Variants in CSMD1 observed in about 807,000 individuals in gnomAD.
CSMD1 encodes CUB and Sushi multiple domains 1.
A neutral mutation model predicts 417.5 loss-of-function variants in CSMD1; 213 were observed. The observed-to-expected ratio is 0.51, with a 90% CI of 0.46 to 0.57. CSMD1 has a LOEUF of 0.57. CSMD1 is among the 20% of genes least tolerant of loss of function. CSMD1 has a pLI of 0.00. For synonymous variants in CSMD1, 2,862 were observed against 1,736.8 expected (o/e 1.65, Z -16.11); for missense variants, 6,923 against 4,529.7 (o/e 1.53, Z -15.17).
chr8:4,910,574 T>C (rs1202556030), intron 1 of CSMD1, among the ~76,000 whole-genome samples: 1 of 152,170 alleles, frequency 6.6e-6, no homozygotes, highest in East Asian at 1.9e-4. Flanking sequence ...ATTCCATTCA[T>C]GAAAGCTCCC....
At chr8:3,488,171 T>C (rs192297937) in intron 11 of CSMD1, among the ~76,000 whole-genome samples, 9 of 152,022 alleles carry the variant, frequency 5.9e-5, no homozygotes, top group Non-Finnish European at 1.2e-4. Flanking sequence ...GGGGTCATCA[T>C]AGCTCACTGC....
At chr8:4,707,874 A>G (rs1584975089) in intron 1 of CSMD1, among the ~76,000 whole-genome samples, 1 of 137,586 alleles carries the variant, frequency 7.3e-6, no homozygotes. Flanking sequence ...GGACAAGAGC[A>G]AGACTTTGTT....
intron 7 of CSMD1, among the ~76,000 whole-genome samples, chr8:3,632,050 G>A (rs1429640510): frequency 6.6e-6 from 1 of 152,158 alleles, no homozygotes; most frequent in East Asian, 1.9e-4. Flanking sequence ...ATTTACATAA[G>A]AAAGTAATTG....
intron 23 of CSMD1, among the ~76,000 whole-genome samples, chr8:3,333,964 C>G (rs183696373): frequency 6.6e-6 from 1 of 152,244 alleles, no homozygotes; most frequent in East Asian, 1.9e-4. Context: ...TGCCCCTCAG[C>G]TTGTATAGGA....
At chr8:3,541,729 T>C (rs1352229231) in intron 10 of CSMD1, among the ~76,000 whole-genome samples, 2 of 145,800 alleles carry the variant, frequency 1.4e-5, no homozygotes, top group Non-Finnish European at 1.5e-5. Context: ...CAATTAAAAA[T>C]TATAAAATAT....
chr8:4,477,500 A>G (rs1464803473), intron 2 of CSMD1, among the ~76,000 whole-genome samples: 2 of 152,214 alleles, frequency 1.3e-5, no homozygotes, highest in African/African-American at 4.8e-5. Flanking sequence ...AAAATGCAGC[A>G]TTACGTGAGT....
At chr8:4,415,654 C>G (rs1258767562) in intron 3 of CSMD1, among the ~76,000 whole-genome samples, 3 of 152,200 alleles carry the variant, frequency 2.0e-5, no homozygotes, top group African/African-American at 7.2e-5. Context: ...ATTCCTGTAA[C>G]TTAACTCAGT....
chr8:3,618,457 C>A (rs1057357711), intron 7 of CSMD1, among the ~76,000 whole-genome samples: 3 of 150,668 alleles, frequency 2.0e-5, no homozygotes, highest in Non-Finnish European at 4.4e-5. Flanking sequence ...ATTTTTATTT[C>A]TTTTTTAAAA....
intron 1 of CSMD1, among the ~76,000 whole-genome samples, chr8:4,918,811 A>T (rs1277357224): frequency 6.6e-6 from 1 of 152,228 alleles, no homozygotes; most frequent in Non-Finnish European, 1.5e-5. Flanking sequence ...ACTTGTGAAT[A>T]TGTATGTTTG....
intron 14 of CSMD1, among the ~76,000 whole-genome samples, chr8:3,407,111 A>T (rs1812392039): frequency 2.0e-5 from 3 of 152,160 alleles, no homozygotes; most frequent in South Asian, 4.2e-4. Context: ...GGATGGAAAG[A>T]TGAATGGAAG....
At chr8:4,275,246 A>C (rs182457906) in intron 3 of CSMD1, among the ~76,000 whole-genome samples, 2 of 152,156 alleles carry the variant, frequency 1.3e-5, no homozygotes, top group East Asian at 3.8e-4. Context: ...ACAAATAAAT[A>C]TGGGCGAAAT....
chr8:4,528,193 G>T (rs980780861), intron 2 of CSMD1, among the ~76,000 whole-genome samples: 1 of 152,118 alleles, frequency 6.6e-6, no homozygotes, highest in African/African-American at 2.4e-5. Flanking sequence ...TTGGTTCATG[G>T]CTGCTGTTTC....
chr8:3,865,093 A>C (rs1015745189), intron 5 of CSMD1, among the ~76,000 whole-genome samples: 20 of 152,016 alleles, frequency 1.3e-4, no homozygotes, highest in Non-Finnish European at 1.2e-4. Context: ...TGGTAACAAT[A>C]CTCCACACAC....
At chr8:3,396,645 T>C (rs569042929) in intron 16 of CSMD1, among the ~76,000 whole-genome samples, 49 of 152,252 alleles carry the variant, frequency 3.2e-4, no homozygotes, top group African/African-American at 1.1e-3. Flanking sequence ...TTATTCAGCT[T>C]AAACAAAAAT....
rs1240476279 is a variant in CSMD1, at chr8:3,096,922, T to C, written c.7065A>G (p.Pro2355=). Residue 2355 remains proline (P), a synonymous_variant, in exon 47 of 70, where the codon CCA becomes CCG. Transcript: ENST00000635120. ...CCACAAAGATGGTAATGTTGTAGTTTGGTTCCACTTTAATACTCCAAGAGC... is the reference window on the plus strand; with the variant it reads ...CCACAAAGATGGTAATGTTGTAGTTCGGTTCCACTTTAATACTCCAAGAGC... ...QTCSWSIKVE[P]NYNITIFVDT... is the part of the protein sequence containing the mutation. The C allele has an allele frequency of 2.6e-6, 4 of 1,556,752 alleles. No homozygotes were observed. Among genetic ancestry groups the C allele is most frequent in the Admixed American group, 1.9e-5 (1 of 51,572 alleles).
chr8:4,591,885 A>T (rs1417051066), intron 2 of CSMD1, among the ~76,000 whole-genome samples: 1 of 152,070 alleles, frequency 6.6e-6, no homozygotes, highest in Non-Finnish European at 1.5e-5. Context: ...ACCGGTGGGG[A>T]GGCTGAAAGT....
At chr8:4,136,725 C>G (rs944962843) in intron 3 of CSMD1, among the ~76,000 whole-genome samples, 1 of 152,146 alleles carries the variant, frequency 6.6e-6, no homozygotes, top group African/African-American at 2.4e-5. Flanking sequence ...AGCCATCAAG[C>G]CAACGGCTCT....
At chr8:2,960,123 G>GA (rs1423827060) in intron 62 of CSMD1, among the ~76,000 whole-genome samples, 1 of 152,184 alleles carries the variant, frequency 6.6e-6, no homozygotes, top group Non-Finnish European at 1.5e-5. Flanking sequence ...TTTTCTTAGT[G>GA]AATCAGTGAG....
intron 5 of CSMD1, among the ~76,000 whole-genome samples, chr8:3,888,929 T>G (rs376976336): frequency 6.6e-6 from 1 of 152,200 alleles, no homozygotes; most frequent in African/African-American, 2.4e-5. Flanking sequence ...TTATACCATT[T>G]AGGTTTATGT....
Sources: allele counts gnomAD v4.1 joint callset (sites outside exome capture counted in the v4.1 genomes callset), GRCh38; gene constraint gnomAD v4.1.1; transcripts MANE v1.5; gene names NCBI Gene and HGNC (gene_info 2026-07-23, HGNC 2026-07-21).